PCDH11X: variants seen among roughly 807,000 people sequenced by gnomAD.
The protein encoded by PCDH11X is protocadherin 11 X-linked, also known as protocadherin-11 X-linked.
A neutral mutation model predicts 53.3 loss-of-function variants in PCDH11X; 18 were observed. The ratio of observed to expected loss-of-function variants is 0.34; its 90% CI spans 0.23 to 0.50. The LOEUF is 0.50. Ranked by LOEUF, PCDH11X falls within the 20% of genes least tolerant of loss-of-function variation. The pLI is 0.98. For synonymous variants in PCDH11X, 279 were observed against 393.3 expected, an observed-to-expected ratio of 0.71 and a Z score of 3.44; for missense variants, 570 against 1,032.4, an observed-to-expected ratio of 0.55 and a Z score of 6.14.
chrX:92,093,829 G>A (rs534457060), intron 6 of PCDH11X, among the ~76,000 whole-genome samples: 1 of 110,778 alleles, frequency 9.0e-6, no homozygotes, highest in South Asian at 3.9e-4. Flanking sequence ...CAGTGTATCA[G>A]CATTTGTAAG....
intron 7 of PCDH11X, among the ~76,000 whole-genome samples, chrX:92,248,352 T>TAA (rs932576176): frequency 1.5e-4 from 17 of 112,018 alleles, no homozygotes; most frequent in African/African-American, 4.9e-4. Context: ...GTTATATATA[T>TAA]AACTAGTCTT....
chrX:92,147,810 C>CTTTCTTTCTTTTCTTT (rs1556065506), intron 6 of PCDH11X, among the ~76,000 whole-genome samples: 7 of 70,205 alleles, frequency 1.0e-4, no homozygotes, highest in African/African-American at 3.8e-4. Context: ...TTTCTTCCTT[C>CTTTCTTTCTTTTCTTT]CTTTCTTTCT....
chrX:92,004,075 T>G (rs2062556146), intron 6 of PCDH11X, among the ~76,000 whole-genome samples: 1 of 109,832 alleles, frequency 9.1e-6, no homozygotes, highest in Non-Finnish European at 1.9e-5. Context: ...GGTTTTGGTA[T>G]GTTGTGTTTC....
At chrX:92,592,231 T>C (rs1472211848) in intron 10 of PCDH11X, among the ~76,000 whole-genome samples, 13 of 81,951 alleles carry the variant, frequency 1.6e-4, no homozygotes, top group African/African-American at 5.5e-4. Flanking sequence ...GGTTTAATAC[T>C]TGTAGAAATT....
chrX:91,965,092 A>G (rs2061846412), intron 6 of PCDH11X, among the ~76,000 whole-genome samples: 1 of 111,216 alleles, frequency 9.0e-6, no homozygotes, highest in African/African-American at 3.3e-5. Flanking sequence ...ATGTACATTC[A>G]GCTCTTTAAA....
At chrX:92,439,467 T>C (rs2072463999) in intron 9 of PCDH11X, among the ~76,000 whole-genome samples, 1 of 110,957 alleles carries the variant, frequency 9.0e-6, no homozygotes, top group Admixed American at 9.6e-5. Context: ...CTATTCTGGA[T>C]GGCTGTGGAT....
chrX:92,187,204 G>A (rs758600937), intron 6 of PCDH11X, among the ~76,000 whole-genome samples: 6 of 111,170 alleles, frequency 5.4e-5, no homozygotes, highest in Non-Finnish European at 7.5e-5. Flanking sequence ...CCTTCTATAG[G>A]CTCTAGAGGT....
At chrX:92,157,006 A>G (rs2065548781) in intron 6 of PCDH11X, among the ~76,000 whole-genome samples, 1 of 112,074 alleles carries the variant, frequency 8.9e-6, no homozygotes, top group East Asian at 2.8e-4. Flanking sequence ...CAAATCCATT[A>G]CCACTTCCAA....
At chrX:92,413,623 G>A (rs2071739361) in intron 9 of PCDH11X, among the ~76,000 whole-genome samples, 1 of 106,340 alleles carries the variant, frequency 9.4e-6, no homozygotes, top group Non-Finnish European at 1.9e-5. Context: ...CATACATTTG[G>A]AAAGAAAATC....
At chrX:91,852,020 T>C (rs1329857998) in intron 5 of PCDH11X, among the ~76,000 whole-genome samples, 2 of 107,953 alleles carry the variant, frequency 1.9e-5, no homozygotes, top group African/African-American at 3.4e-5. Context: ...TTTTTTTTTT[T>C]TTTCTTTTTT....
chrX:92,216,025 A>G (rs1369708997), intron 7 of PCDH11X, among the ~76,000 whole-genome samples: 1 of 110,888 alleles, frequency 9.0e-6, no homozygotes, highest in Admixed American at 9.7e-5. Context: ...TAACAAACAG[A>G]AAGGACATCC....
intron 10 of PCDH11X, among the ~76,000 whole-genome samples, chrX:92,556,454 C>A (rs1449903818): frequency 2.7e-5 from 3 of 111,572 alleles, no homozygotes; most frequent in Non-Finnish European, 3.8e-5. Context: ...TTGGCAAAAA[C>A]CAAGAGGCTA....
chrX:91,848,807 A>G (rs1006956523), intron 5 of PCDH11X, among the ~76,000 whole-genome samples: 10 of 110,856 alleles, frequency 9.0e-5, no homozygotes, highest in African/African-American at 3.4e-4. Context: ...TTCTAAAGAT[A>G]AGTATAAGTT....
intron 6 of PCDH11X, among the ~76,000 whole-genome samples, chrX:92,112,260 A>C (rs761576683): frequency 9.2e-6 from 1 of 108,902 alleles, no homozygotes; most frequent in East Asian, 2.9e-4. Context: ...AGACAGCTAC[A>C]TCATAGCAGG....
chrX:92,276,175 A>G (rs1295712368), intron 8 of PCDH11X, among the ~76,000 whole-genome samples: 1 of 109,084 alleles, frequency 9.2e-6, no homozygotes, highest in African/African-American at 3.3e-5. Context: ...TTATGGAGGC[A>G]AGGGAAACAG....
chrX:91,877,710 A>C lies in PCDH11X; in HGVS notation c.1470A>C (p.Ala490=), dbSNP rs751111154. 14 of 1,211,737 alleles carry C rather than the reference A, an allele frequency of 1.2e-5. No individual in the cohort carries two copies. The East Asian group carries it at 4.1e-4, about 36-fold the overall frequency. The part of the protein sequence containing the change: ...SPGIQLTKVS[A]MDADSGPNAK... Reference sequence around the variant, plus strand: ...GCATCCAGTTGACGAAAGTAAGTGCAATGGATGCAGACAGTGGGCCTAATG... The same window carrying C: ...GCATCCAGTTGACGAAAGTAAGTGCCATGGATGCAGACAGTGGGCCTAATG... The change falls in exon 6 of 11, where the codon GCA becomes GCC. Residue 490 remains alanine, a synonymous_variant. Transcript: ENST00000682573.
At chrX:91,952,662 A>G (rs1271665041) in intron 6 of PCDH11X, among the ~76,000 whole-genome samples, 2 of 111,767 alleles carry the variant, frequency 1.8e-5, no homozygotes, top group Non-Finnish European at 3.8e-5. Context: ...TTGAGCTACC[A>G]TATGATCCAG....
In PCDH11X at chrX:92,489,561, C is replaced by T. The variant is rs189184987; in HGVS notation, c.3367+21239C>T. Among the ~76,000 whole-genome samples the T allele has an allele frequency of 6.0e-4, 65 of 108,861 alleles. No homozygotes were observed. The East Asian group carries it at 0.018, about 29-fold the overall frequency. 94.5% of individuals were successfully genotyped at this position (108,861 alleles called of 115,157 possible). On this transcript the variant is annotated intron_variant, in intron 10 of 10. Coordinates refer to ENST00000682573, the MANE Select transcript of PCDH11X (RefSeq NM_032968.5). ...TATTTGGTCATTTTCTGCATGTATCCCGACTCCTGCTTTTTTTTTCCCCTT... is the reference window on the plus strand; with the variant it reads ...TATTTGGTCATTTTCTGCATGTATCTCGACTCCTGCTTTTTTTTTCCCCTT...
chrX:92,404,312 C>T (rs1299605302), intron 9 of PCDH11X, among the ~76,000 whole-genome samples: 1 of 106,414 alleles, frequency 9.4e-6, no homozygotes, highest in Non-Finnish European at 1.9e-5. Context: ...ATACTTTGGA[C>T]TTTCAAAGAA....
Sources: gnomAD v4.1 joint callset for allele counts (sites outside exome capture counted in the v4.1 genomes callset) on GRCh38, gnomAD v4.1.1 for gene constraint, MANE v1.5 for transcripts, NCBI Gene and HGNC (gene_info 2026-07-23, HGNC 2026-07-21) for gene names.